Variants in JAGN1 observed in about 807,000 individuals in gnomAD.
JAGN1 encodes protein jagunal homolog 1.
JAGN1 carries 13 observed loss-of-function variants against 17.1 expected under a neutral mutation model. That is an observed-to-expected ratio of 0.76 (90% CI 0.49 to 1.21). JAGN1 has a LOEUF of 1.21. JAGN1 is among the 50% of genes most tolerant of loss of function. The probability of loss-of-function intolerance (pLI) is 0.00; values close to 1 mark genes in which losing one functional copy is unlikely to be tolerated. For synonymous variants in JAGN1, 111 were observed against 91.0 expected (o/e 1.22, Z -1.25); for missense variants, 256 against 234.2 (o/e 1.09, Z -0.61).
chr3:9,892,852 C>A, intron 1 of JAGN1, 63 bp from the exon 2 acceptor site: 1 of 1,073,104 alleles, frequency 9.3e-7, no homozygotes, highest in Non-Finnish European at 1.4e-6. Flanking sequence ...GTACAGTTGT[C>A]TGGCATATAG....
At position 9,893,015 on chromosome 3, in the gene JAGN1, T is replaced by A. The variant is rs1160455039; in HGVS notation, c.190T>A (p.Ser64Thr). 1.2e-6 allele frequency: 2 copies of A among 1,614,038 alleles called. No homozygotes were observed. Among genetic ancestry groups the A allele is most frequent in the African/African-American group, 2.7e-5 (2 of 74,928 alleles). The part of the protein sequence containing the change: ...KMSVGHLRLL[S>T]HDQVAMPYQW... ...GAGCGTGGGACACCTGAGGCTCTTG[T>A]CACATGATCAGGTGGCCATGCCCTA... Residue 64 changes from serine (S) to threonine (T), a missense_variant, in exon 2 of 2, where the codon TCA (serine) becomes ACA (threonine). Coordinates refer to ENST00000647897, the MANE Select transcript of JAGN1 (RefSeq NM_032492.4).
chr3:9,891,871 A>AT (rs1441057091), intron 1 of JAGN1, among the ~76,000 whole-genome samples: 1 of 152,126 alleles, frequency 6.6e-6, no homozygotes, highest in East Asian at 1.9e-4. Flanking sequence ...GGATGAAAAA[A>AT]TCTAGCTGGA....
In JAGN1 at chr3:9,893,616, A is replaced by C; in HGVS notation, c.*239A>C. Reference sequence around the variant, plus strand: ...ACAAATTTCAGCTGTTTGAAGTTGAACTTTGAGGTTTTTCTTTAAGAATGA... The same window carrying C: ...ACAAATTTCAGCTGTTTGAAGTTGACCTTTGAGGTTTTTCTTTAAGAATGA... On this transcript the variant is annotated 3_prime_UTR_variant, in exon 2 of 2. Coordinates refer to ENST00000647897, the MANE Select transcript of JAGN1 (RefSeq NM_032492.4). The C allele has an allele frequency of 3.9e-6, 2 of 506,908 alleles. No homozygotes were observed. The highest frequency in any genetic ancestry group is 7.0e-6 in the Non-Finnish European group (2 of 287,268). 31.4% of individuals were successfully genotyped at this position (506,908 alleles called of 1,614,324 possible). A position where few individuals can be genotyped will look rare whatever the true frequency, so the allele number is the denominator to read the frequency against.
At position 9,893,852 on chromosome 3, in the gene JAGN1, CTG is replaced by C. The variant is rs1281742733; in HGVS notation, c.*478_*479del. The stretch of plus-strand genomic sequence containing the variant: ...CTCAATAAAGATGGCCCTGCCCACA[CTG>C]TGCCTTGTGTTTGGGGCTTGATAGA... On this transcript the variant is annotated 3_prime_UTR_variant, in exon 2 of 2. Transcript: ENST00000647897. The C allele has an allele frequency of 1.8e-5, 3 of 167,198 alleles. No homozygotes were observed. The highest frequency in any genetic ancestry group is 4.0e-5 in the Non-Finnish European group (3 of 75,798). The allele number at this position is 167,198 out of a possible 1,614,324, so 10.4% of individuals were successfully genotyped here.
Position 9,893,007 on chromosome 3 carries a change from G to C in JAGN1, c.182G>C (p.Arg61Thr), listed in dbSNP as rs1157311543. The change falls in exon 2 of 2, where the codon AGG (arginine) becomes ACG (threonine). Residue 61 changes from arginine (R) to threonine (T), a missense_variant. Transcript: ENST00000647897. ...GCTAAGATGAGCGTGGGACACCTGA[G>C]GCTCTTGTCACATGATCAGGTGGCC... ...LVAKMSVGHL[R>T]LLSHDQVAMP... The C allele has an allele frequency of 6.2e-7, 1 of 1,614,152 alleles. No homozygotes were observed. Among genetic ancestry groups the C allele is most frequent in the South Asian group, 1.1e-5 (1 of 91,088 alleles).
intron 1 of JAGN1, among the ~76,000 whole-genome samples, 182 bp downstream of exon 1, chr3:9,890,993 C>G (rs1322044085): frequency 6.6e-6 from 1 of 152,200 alleles, no homozygotes; most frequent in Non-Finnish European, 1.5e-5. Flanking sequence ...CCGTGGCCCC[C>G]GCGAGCTCCA....
At chr3:9,892,734 A>G (rs2082571207) in intron 1 of JAGN1, 181 bp from the exon 2 acceptor site, 1 of 592,396 alleles carries the variant, frequency 1.7e-6, no homozygotes. Flanking sequence ...ATCTGGGAAC[A>G]TATATTTACT....
At position 9,890,657 on chromosome 3, in the gene JAGN1, G is replaced by A. The variant is rs2082555311; in HGVS notation, c.-66G>A. 5 of 1,486,164 alleles carry A rather than the reference G, an allele frequency of 3.4e-6. No individual in the cohort carries two copies. Among genetic ancestry groups the A allele is most frequent in the East Asian group, 2.4e-5 (1 of 41,606 alleles). 92.1% of individuals were successfully genotyped at this position (1,486,164 alleles called of 1,614,324 possible). On this transcript the variant is annotated 5_prime_UTR_variant, in exon 1 of 2. Coordinates refer to ENST00000647897, the MANE Select transcript of JAGN1 (RefSeq NM_032492.4). Reference sequence around the variant, plus strand: ...GCGGGGGCGCAAATAGGGTCAGTGGGCCGCTTGGCGGTGTCGTTGCGGTAC... The same window carrying A: ...GCGGGGGCGCAAATAGGGTCAGTGGACCGCTTGGCGGTGTCGTTGCGGTAC...
Position 9,893,594 on chromosome 3 carries a change from A to C in JAGN1, c.*217A>C. ...CTGGGTGACCAACAGCTATGAAACA[A>C]ATTTCAGCTGTTTGAAGTTGAACTT... is the stretch of plus-strand genomic sequence containing the variant. On this transcript the variant is annotated 3_prime_UTR_variant, in exon 2 of 2. Coordinates refer to ENST00000647897, the MANE Select transcript of JAGN1 (RefSeq NM_032492.4). 2 of 534,758 alleles carry C rather than the reference A, an allele frequency of 3.7e-6. No homozygotes were observed. The highest frequency in any genetic ancestry group is 2.7e-5 in the South Asian group (1 of 36,388). The allele number at this position is 534,758 out of a possible 1,614,324, so 33.1% of individuals were successfully genotyped here.
Position 9,893,296 on chromosome 3 carries a change from A to C in JAGN1, c.471A>C (p.Gln157His). The C allele has an allele frequency of 6.2e-7, 1 of 1,614,156 alleles. No individual in the cohort carries two copies. The highest frequency in any genetic ancestry group is 8.5e-7 in the Non-Finnish European group (1 of 1,180,032). ...IMYLVLVLAV[Q>H]VHAWQLYYSK... Reference sequence around the variant, plus strand: ...ACCTGGTGTTGGTGTTGGCAGTGCAAGTGCATGCCTGGCAGTTGTACTACA... The same window carrying C: ...ACCTGGTGTTGGTGTTGGCAGTGCACGTGCATGCCTGGCAGTTGTACTACA... The change falls in exon 2 of 2, where the codon CAA becomes CAC. Residue 157 changes from glutamine to histidine, a missense_variant. Transcript: ENST00000647897.
chr3:9,892,811 T>C, intron 1 of JAGN1, 104 bp from the exon 2 acceptor site: 2 of 700,682 alleles, frequency 2.9e-6, no homozygotes. Context: ...GCTTCTAGGC[T>C]GTTTTATTCA....
chr3:9,890,618 G>A lies in JAGN1; in HGVS notation c.-105G>A, dbSNP rs932523527. On this transcript the variant is annotated 5_prime_UTR_variant, in exon 1 of 2. Coordinates refer to ENST00000647897, the MANE Select transcript of JAGN1 (RefSeq NM_032492.4). ...CAGAGGGGCCGGAAGTTCTCTTCAC[G>A]GAGCCGCGCGGCTGCGGGGGCGCAA... The A allele has an allele frequency of 7.5e-6, 8 of 1,069,696 alleles. No homozygotes were observed. The highest frequency in any genetic ancestry group is 1.1e-5 in the Non-Finnish European group (8 of 738,474). 66.3% of individuals were successfully genotyped at this position (1,069,696 alleles called of 1,614,324 possible). A position where few individuals can be genotyped will look rare whatever the true frequency, so the allele number is the denominator to read the frequency against.
intron 1 of JAGN1, among the ~76,000 whole-genome samples, chr3:9,892,588 T>C (rs563021924): frequency 6.6e-6 from 1 of 152,262 alleles, no homozygotes; most frequent in African/African-American, 2.4e-5. Flanking sequence ...TTGGGCCTTT[T>C]TGTCTGCATG....
chr3:9,894,226 A>G lies in JAGN1; in HGVS notation c.*849A>G, dbSNP rs1037384799. On this transcript the variant is annotated 3_prime_UTR_variant, in exon 2 of 2. Transcript: ENST00000647897. ...GTACCTCGGTTTATAGGGATTTACA[A>G]TTCAGTAGAAACTTGTTATTCATGT... The G allele has an allele frequency of 2.0e-5, 3 of 152,240 alleles. No homozygotes were observed. Among genetic ancestry groups the G allele is most frequent in the Non-Finnish European group, 4.4e-5 (3 of 68,038 alleles). The allele number at this position is 152,240 out of a possible 1,614,324, so 9.4% of individuals were successfully genotyped here.
Position 9,893,161 on chromosome 3 carries a change from C to T in JAGN1, c.336C>T (p.Ile112=), listed in dbSNP as rs368122140. The T allele has an allele frequency of 1.3e-4, 213 of 1,614,204 alleles. 2 individuals are homozygous for T. The South Asian group carries it at 2.0e-3, about 15-fold the overall frequency. ...TGATCAGCATGGGACTCTTTTCCAT[C>T]GCTCCACTCATTTATGGCAGCATGG... ...LSMISMGLFS[I]APLIYGSMEM... is the part of the protein sequence containing the mutation. The change falls in exon 2 of 2, where the codon ATC becomes ATT. Residue 112 remains isoleucine (I), a synonymous_variant. Coordinates refer to ENST00000647897, the MANE Select transcript of JAGN1 (RefSeq NM_032492.4).
rs279553 is a variant in JAGN1, at chr3:9,892,921, T to C, written c.96T>C (p.Thr32=). The change falls in exon 2 of 2, where the codon ACT becomes ACC. Residue 32 remains threonine, a synonymous_variant. Coordinates refer to ENST00000647897, the MANE Select transcript of JAGN1 (RefSeq NM_032492.4). ...RVAMHYQMSV[T]LKYEIKKLIY... Reference sequence around the variant, plus strand: ...CCTCTGCTCTGCCCCACAGTGTGACTCTCAAGTATGAAATCAAGAAGCTGA... The same window carrying C: ...CCTCTGCTCTGCCCCACAGTGTGACCCTCAAGTATGAAATCAAGAAGCTGA... 1,115,802 of 1,606,668 alleles carry C rather than the reference T, an allele frequency of 0.69. 388,427 individuals are homozygous for C. Among genetic ancestry groups the C allele is most frequent in the East Asian group, 0.72 (32,166 of 44,766 alleles).
intron 1 of JAGN1, 164 bp from the exon 2 acceptor site, chr3:9,892,751 T>C: frequency 1.7e-6 from 1 of 598,446 alleles, no homozygotes; most frequent in Non-Finnish European, 3.0e-6. Flanking sequence ...TACTAGAACT[T>C]TTTCACTTCA....
At position 9,894,089 on chromosome 3, in the gene JAGN1, C is replaced by G. The variant is rs279542; in HGVS notation, c.*712C>G. ...GAAATAGTCCATTCTCATTTATCTA[C>G]CTTAGGTTATGGGCTCTTCTTTTAG... On this transcript the variant is annotated 3_prime_UTR_variant, in exon 2 of 2. Transcript: ENST00000647897. The G allele has an allele frequency of 0.69, 105,593 of 152,166 alleles. 36,635 individuals carry two copies. Among genetic ancestry groups the G allele is most frequent in the Middle Eastern group, 0.73 (216 of 294 alleles). The allele number at this position is 152,166 out of a possible 1,614,324, so 9.4% of individuals were successfully genotyped here.
At chr3:9,892,240 T>G (rs946071306) in intron 1 of JAGN1, among the ~76,000 whole-genome samples, 1 of 152,022 alleles carries the variant, frequency 6.6e-6, no homozygotes, top group Non-Finnish European at 1.5e-5. Context: ...ATGGTCTCGA[T>G]CTCCTGACCT....
Sources: allele counts gnomAD v4.1 joint callset (sites outside exome capture counted in the v4.1 genomes callset), GRCh38; gene constraint gnomAD v4.1.1; transcripts MANE v1.5; gene names NCBI Gene and HGNC (gene_info 2026-07-23, HGNC 2026-07-21).